Variants in ZFHX3 observed in about 807,000 individuals in gnomAD.
ZFHX3 encodes the protein zinc finger homeobox 3.
ZFHX3 carries 42 observed loss-of-function variants against 279.1 expected under a neutral mutation model. That is an observed-to-expected ratio of 0.15 (90% CI 0.12 to 0.19). The LOEUF (loss-of-function observed/expected upper bound fraction) is 0.19. ZFHX3 is among the 10% of genes least tolerant of loss of function. The pLI, the probability that ZFHX3 is intolerant of heterozygous loss-of-function variation, is 1.00. For missense variants in ZFHX3, 4,981 were observed against 4,754.0 expected, an observed-to-expected ratio of 1.05 and a Z score of -1.40; for synonymous variants, 2,293 against 1,957.8, an observed-to-expected ratio of 1.17 and a Z score of -4.52.
intron 3 of ZFHX3, among the ~76,000 whole-genome samples, chr16:73,419,239 G>A (rs867876077): frequency 1.3e-5 from 2 of 152,160 alleles, no homozygotes; most frequent in South Asian, 2.1e-4. Context: ...TGCTAAGTGC[G>A]CCATAGACAC....
intron 3 of ZFHX3, among the ~76,000 whole-genome samples, chr16:72,936,109 C>G (rs1031780847): frequency 2.0e-5 from 3 of 152,208 alleles, no homozygotes; most frequent in Admixed American, 1.3e-4. Flanking sequence ...AGGAACAGAG[C>G]TGTGTGTGAA....
chr16:73,312,134 GACAC>G (rs1436029780), intron 4 of ZFHX3, among the ~76,000 whole-genome samples: 35 of 152,132 alleles, frequency 2.3e-4, no homozygotes, highest in African/African-American at 8.0e-4. Context: ...TTGAAATTGT[GACAC>G]GTGACAAAAG....
chr16:73,341,800 G>T (rs1712071239), intron 3 of ZFHX3, among the ~76,000 whole-genome samples: 1 of 152,128 alleles, frequency 6.6e-6, no homozygotes, highest in Non-Finnish European at 1.5e-5. Flanking sequence ...TCTAGATAAG[G>T]CTTAAAAATA....
At chr16:73,597,183 T>A (rs1226593181) in intron 2 of ZFHX3, among the ~76,000 whole-genome samples, 1 of 152,156 alleles carries the variant, frequency 6.6e-6, no homozygotes, top group Non-Finnish European at 1.5e-5. Flanking sequence ...TGCATCTCAG[T>A]CCTACTTAAC....
chr16:73,683,007 GAAAGAGAA>G (rs2053042311), intron 1 of ZFHX3, among the ~76,000 whole-genome samples: 1 of 79,686 alleles, frequency 1.3e-5, no homozygotes, highest in Non-Finnish European at 3.1e-5. Flanking sequence ...AAGAAAGAAA[GAAAGAGAA>G]AGGAGGGAGG....
chr16:73,147,712 A>AG (rs1393077806), intron 5 of ZFHX3, among the ~76,000 whole-genome samples: 5 of 148,668 alleles, frequency 3.4e-5, no homozygotes, highest in African/African-American at 1.2e-4. Flanking sequence ...AAAAAAAAAA[A>AG]AAAAAAAATT....
intron 1 of ZFHX3, among the ~76,000 whole-genome samples, chr16:72,997,956 C>T (rs931746949): frequency 3.3e-5 from 5 of 151,936 alleles, no homozygotes; most frequent in Non-Finnish European, 7.4e-5. Context: ...ATGGTGTGCA[C>T]CTCTGGTCCC....
chr16:72,956,936 T>A (rs1320922856), intron 2 of ZFHX3, among the ~76,000 whole-genome samples: 1 of 152,216 alleles, frequency 6.6e-6, no homozygotes, highest in Non-Finnish European at 1.5e-5. Context: ...AGCCTTTAGT[T>A]ATCTGAATAA....
At chr16:73,167,209 A>C (rs1967395457) in intron 5 of ZFHX3, among the ~76,000 whole-genome samples, 1 of 152,242 alleles carries the variant, frequency 6.6e-6, no homozygotes, top group Admixed American at 6.5e-5. Context: ...GATAAACAAC[A>C]CTGAGTAATA....
chr16:73,159,196 T>C (rs1967167553), intron 5 of ZFHX3, among the ~76,000 whole-genome samples: 2 of 152,228 alleles, frequency 1.3e-5, no homozygotes, highest in African/African-American at 2.4e-5. Flanking sequence ...AAAGATCTAA[T>C]ATCCAGCATC....
intron 2 of ZFHX3, among the ~76,000 whole-genome samples, chr16:73,678,720 G>A (rs2052979482): frequency 6.6e-6 from 1 of 152,148 alleles, no homozygotes; most frequent in Non-Finnish European, 1.5e-5. Context: ...CAGCACCACA[G>A]TGATTACACA....
At chr16:73,823,246 A>T (rs945754353) in intron 1 of ZFHX3, among the ~76,000 whole-genome samples, 1 of 152,216 alleles carries the variant, frequency 6.6e-6, no homozygotes, top group Non-Finnish European at 1.5e-5. Flanking sequence ...TTAATTAGGC[A>T]GAGAGAAATA....
chr16:73,516,350 T>C (rs781150858), intron 2 of ZFHX3, among the ~76,000 whole-genome samples: 9 of 152,160 alleles, frequency 5.9e-5, no homozygotes, highest in Non-Finnish European at 1.2e-4. Flanking sequence ...TGTGCATGCA[T>C]ACACGTGTAT....
rs2144443823 is a variant in ZFHX3, at chr16:72,958,549, A to G, written c.1597T>C (p.Ser533Pro). ...LALSNQSISN[S>P]PLMPNVLQTL... ...TGGAGCACGTTAGGCATTAAGGGGG[A>G]GTTAGAAATGCTTTGGTTTGAGAGA... The change falls in exon 2 of 10, where the codon TCC becomes CCC. Residue 533 changes from serine to proline, a missense_variant. Transcript: ENST00000268489. The G allele has an allele frequency of 6.2e-7, 1 of 1,613,930 alleles. No individual in the cohort carries two copies. Among genetic ancestry groups the G allele is most frequent in the East Asian group, 2.2e-5 (1 of 44,842 alleles).
At chr16:73,839,996 C>T (rs1435125974) in intron 1 of ZFHX3, among the ~76,000 whole-genome samples, 1 of 152,236 alleles carries the variant, frequency 6.6e-6, no homozygotes, top group Non-Finnish European at 1.5e-5. Flanking sequence ...TGTTCAATAA[C>T]TCTCTCAAAT....
At position 72,797,290 on chromosome 16, in the gene ZFHX3, AGAG is replaced by A. The variant is rs1440674418; in HGVS notation, c.5389_5391del (p.Leu1797del). 3 of 1,609,180 alleles carry A rather than the reference AGAG, an allele frequency of 1.9e-6. No homozygotes were observed. The highest frequency in any genetic ancestry group is 2.5e-6 in the Non-Finnish European group (3 of 1,177,052). ...TCAGCACTGGGGATGTAGAAAGGGAAGAGGAGGTGCTGCTGCTGCTGTAGTTGC... is the reference window on the plus strand; with the variant it reads ...TCAGCACTGGGGATGTAGAAAGGGAAGAGGTGCTGCTGCTGCTGTAGTTGC... On this transcript the variant is annotated inframe_deletion, in exon 9 of 10. Transcript: ENST00000268489.
chr16:72,790,466 T>C (rs1485359449), intron 9 of ZFHX3: 1 of 152,190 alleles, frequency 6.6e-6, no homozygotes, highest in Non-Finnish European at 1.5e-5. Flanking sequence ...AAAAGCACTC[T>C]GAAGCCCAGA....
intron 1 of ZFHX3, among the ~76,000 whole-genome samples, chr16:73,000,290 C>A (rs1385627008): frequency 6.6e-6 from 1 of 152,202 alleles, no homozygotes; most frequent in Non-Finnish European, 1.5e-5. Context: ...GGAGGCGCCT[C>A]TTCTTGGCGA....
intron 5 of ZFHX3, among the ~76,000 whole-genome samples, chr16:73,172,565 C>G (rs899572842): frequency 6.6e-6 from 1 of 152,218 alleles, no homozygotes; most frequent in African/African-American, 2.4e-5. Flanking sequence ...GTGAGGATGG[C>G]GTAGGCCGTG....
Sources: allele counts gnomAD v4.1 joint callset (sites outside exome capture counted in the v4.1 genomes callset), GRCh38; gene constraint gnomAD v4.1.1; transcripts MANE v1.5; gene names NCBI Gene and HGNC (gene_info 2026-07-23, HGNC 2026-07-21).